LIMCH1: variants seen among roughly 807,000 people sequenced by gnomAD.
LIMCH1 encodes the protein LIM and calponin homology domains 1, also known as LIM and calponin homology domains-containing protein 1.
In LIMCH1, 113 loss-of-function variants were observed where a neutral mutation model predicts 176.5. The observed-to-expected ratio is 0.64, with a 90% CI of 0.55 to 0.75. The LOEUF is 0.75. Among genes scored for constraint, LIMCH1 ranks in the 30% least tolerant of loss-of-function variants. LIMCH1 has a pLI of 0.00. For synonymous variants in LIMCH1, 619 were observed against 645.9 expected (o/e 0.96, Z 0.63); for missense variants, 1,674 against 1,814.9 (o/e 0.92, Z 1.41).
chr4:41,365,665 A>G (rs1239771591), intron 1 of LIMCH1, among the ~76,000 whole-genome samples: 1 of 152,222 alleles, frequency 6.6e-6, no homozygotes, highest in Non-Finnish European at 1.5e-5. Context: ...TCAAGGAAGG[A>G]GTAGTGGTCT....
intron 2 of LIMCH1, among the ~76,000 whole-genome samples, chr4:41,600,909 G>T (rs2089804394): frequency 6.6e-6 from 1 of 152,206 alleles, no homozygotes; most frequent in East Asian, 1.9e-4. Context: ...CCATCTTTTT[G>T]TTTTCCTGTT....
rs2091712753 is a variant in LIMCH1, at chr4:41,613,511, G to GGCT, written c.56_58dup (p.Gly19_Tyr20insCys). 6.2e-7 allele frequency: 1 copy of GGCT among 1,613,920 alleles called. No homozygotes were observed. Among genetic ancestry groups the GGCT allele is most frequent in the South Asian group, 1.1e-5 (1 of 91,082 alleles). On this transcript the variant is annotated inframe_insertion, in exon 5 of 32. Transcript: ENST00000503057. Reference sequence around the variant, plus strand: ...TCCTAAACGCAGTATCCGAGACAGTGGCTACATCGACTGCTGGGATTCCGA... The same window carrying GGCT: ...TCCTAAACGCAGTATCCGAGACAGTGGCTGCTACATCGACTGCTGGGATTCCGA...
At chr4:41,477,841 G>T (rs1216868872) in intron 1 of LIMCH1, among the ~76,000 whole-genome samples, 1 of 152,180 alleles carries the variant, frequency 6.6e-6, no homozygotes, top group African/African-American at 2.4e-5. Context: ...AAACCAAACA[G>T]TATATATGTT....
chr4:41,633,802 A>G lies in LIMCH1; in HGVS notation c.2084A>G (p.Asp695Gly), dbSNP rs1157409081. The G allele has an allele frequency of 1.3e-6, 2 of 1,535,784 alleles. No individual in the cohort carries two copies. Among genetic ancestry groups the G allele is most frequent in the South Asian group, 1.2e-5 (1 of 84,050 alleles). Residue 695 changes from aspartate to glycine, a missense_variant, in exon 13 of 32, where the codon GAT becomes GGT. Physicochemically the swap from Asp to Gly is moderately conservative, Grantham distance 94. Coordinates refer to ENST00000503057, the MANE Select transcript of LIMCH1 (RefSeq NM_001330672.2). ...EESSKGLPMK[D>G]QRYGPRTPVS... ...TCTTCTAAAGGTCTACCCATGAAAG[A>G]TCAGAGGTCAGAAAGTTATTCTGTG...
chr4:41,616,207 G>T (rs1452443042), intron 5 of LIMCH1, among the ~76,000 whole-genome samples: 2 of 152,070 alleles, frequency 1.3e-5, no homozygotes, highest in African/African-American at 4.8e-5. Context: ...AAATCAAAGT[G>T]CTAGAGGAAG....
rs779541023 is a variant in LIMCH1 at position 41,689,591 on chromosome 4, A to T, written c.4231A>T (p.Ile1411Phe). The change falls in exon 30 of 32, where the codon ATC (isoleucine) becomes TTC (phenylalanine). Residue 1411 changes from isoleucine (I) to phenylalanine (F), a missense_variant. By Grantham distance (21) the Ile-to-Phe change is conservative (BLOSUM62 0). Around this residue, in one of 3 missense-constraint regions of LIMCH1, gnomAD observed 1,015 missense variants for 1,102.5 expected, o/e 0.92. Coordinates refer to ENST00000503057, the MANE Select transcript of LIMCH1 (RefSeq NM_001330672.2). ...TCCTTTGGGTAAAGGAGCTGCAATG[A>T]TCATCGAGACCCTCAATCTCTATTT... The part of the protein sequence containing the change: ...GLPLGKGAAM[I>F]IETLNLYFHI... The T allele has an allele frequency of 6.2e-7, 1 of 1,612,604 alleles. No individual in the cohort carries two copies. Among genetic ancestry groups the T allele is most frequent in the East Asian group, 2.2e-5 (1 of 44,850 alleles).
At chr4:41,406,362 A>G (rs543011287) in intron 1 of LIMCH1, among the ~76,000 whole-genome samples, 1 of 152,306 alleles carries the variant, frequency 6.6e-6, no homozygotes, top group East Asian at 1.9e-4. Context: ...GAAATTATCT[A>G]GAATAGCTGT....
intron 7 of LIMCH1, among the ~76,000 whole-genome samples, chr4:41,624,909 G>A (rs867242500): frequency 1.3e-5 from 2 of 152,142 alleles, no homozygotes; most frequent in African/African-American, 4.8e-5. Flanking sequence ...CTTTCTTTAG[G>A]TGAGGCTGTG....
intron 1 of LIMCH1, among the ~76,000 whole-genome samples, chr4:41,588,552 A>G (rs543821439): frequency 3.7e-4 from 57 of 152,324 alleles, no homozygotes; most frequent in African/African-American, 1.3e-3. Context: ...AGGGTGATAA[A>G]TAATATTCCC....
chr4:41,539,024 A>G (rs2078288468), intron 1 of LIMCH1, among the ~76,000 whole-genome samples: 1 of 152,182 alleles, frequency 6.6e-6, no homozygotes, highest in African/African-American at 2.4e-5. Flanking sequence ...ACCCGTCTGA[A>G]TGCTAAACGT....
chr4:41,657,950 G>A (rs1213252760), intron 18 of LIMCH1, among the ~76,000 whole-genome samples: 2 of 152,100 alleles, frequency 1.3e-5, no homozygotes, highest in African/African-American at 4.8e-5. Context: ...GGAAAAAGCA[G>A]TTTGAATCAC....
At chr4:41,431,073 C>G (rs777439102) in intron 1 of LIMCH1, among the ~76,000 whole-genome samples, 1 of 152,242 alleles carries the variant, frequency 6.6e-6, no homozygotes, top group Non-Finnish European at 1.5e-5. Context: ...TGTTATTTCT[C>G]CATCCTCCTC....
chr4:41,495,386 T>C (rs1050636041), intron 2 of LIMCH1, among the ~76,000 whole-genome samples: 1 of 152,202 alleles, frequency 6.6e-6, no homozygotes, highest in Non-Finnish European at 1.5e-5. Flanking sequence ...GTATGTAACC[T>C]AATCAAGATA....
At chr4:41,476,987 C>A (rs1372256119) in intron 1 of LIMCH1, among the ~76,000 whole-genome samples, 1 of 152,108 alleles carries the variant, frequency 6.6e-6, no homozygotes, top group South Asian at 2.1e-4. Context: ...TTGAAGAGAG[C>A]AGAAGGTGTC....
rs536251146 is a variant in LIMCH1 at position 41,506,269 on chromosome 4, T to C, written c.167+11663T>C. Among the ~76,000 whole-genome samples the C allele has an allele frequency of 3.3e-4, 50 of 152,346 alleles. 1 individual carries two copies. The highest frequency in any genetic ancestry group is 2.1e-3 in the Admixed American group (32 of 15,300). On this transcript the variant is annotated intron_variant, in intron 2 of 26. Transcript: ENST00000313860. Reference sequence around the variant, plus strand: ...CAAACACTTATTCTATCATCACTGATAAATGAGCTGCTTGTCAGAAGGAGG... The same window carrying C: ...CAAACACTTATTCTATCATCACTGACAAATGAGCTGCTTGTCAGAAGGAGG...
At chr4:41,384,707 A>G (rs1174765649) in intron 1 of LIMCH1, among the ~76,000 whole-genome samples, 2 of 152,194 alleles carry the variant, frequency 1.3e-5, no homozygotes, top group Non-Finnish European at 2.9e-5. Context: ...TGTTTTAAAT[A>G]TGCAAGGGAG....
chr4:41,439,451 G>A (rs1426692157), intron 1 of LIMCH1, among the ~76,000 whole-genome samples: 1 of 152,086 alleles, frequency 6.6e-6, no homozygotes, highest in Non-Finnish European at 1.5e-5. Context: ...GCTGGGTGTG[G>A]TGGTGTGTGC....
chr4:41,364,988 A>G (rs2052753289), intron 1 of LIMCH1, among the ~76,000 whole-genome samples: 1 of 152,128 alleles, frequency 6.6e-6, no homozygotes, highest in Non-Finnish European at 1.5e-5. Flanking sequence ...TCTTGGCCTC[A>G]CCACCCACAA....
chr4:41,688,245 G>C (rs1194040736), intron 29 of LIMCH1, among the ~76,000 whole-genome samples: 1 of 152,196 alleles, frequency 6.6e-6, no homozygotes, highest in East Asian at 1.9e-4. Flanking sequence ...CCTTCAAGAG[G>C]GCTAAGCCCT....
Sources: allele counts gnomAD v4.1 joint callset (sites outside exome capture counted in the v4.1 genomes callset), GRCh38; gene constraint gnomAD v4.1.1; regional missense constraint gnomAD v4.1.1; transcripts MANE v1.5; gene names NCBI Gene and HGNC (gene_info 2026-07-23, HGNC 2026-07-21).